Variants in PPP1R16B observed in about 807,000 individuals in gnomAD.
The protein encoded by PPP1R16B is protein phosphatase 1 regulatory subunit 16B, also known as protein phosphatase 1 regulatory inhibitor subunit 16B.
A neutral mutation model predicts 61.7 loss-of-function variants in PPP1R16B; 14 were observed. That is an observed-to-expected ratio of 0.23 (90% confidence interval 0.15 to 0.35). The LOEUF (loss-of-function observed/expected upper bound fraction) is 0.35. Among genes scored for constraint, PPP1R16B ranks in the 10% least tolerant of loss-of-function variants. PPP1R16B has a pLI of 1.00. For missense variants in PPP1R16B, 547 were observed against 752.5 expected (o/e 0.73, Z 3.19); for synonymous variants, 266 against 305.3 (o/e 0.87, Z 1.34).
intron 3 of PPP1R16B, among the ~76,000 whole-genome samples, 164 bp downstream of exon 3, chr20:38,889,829 T>C (rs1462877046): frequency 1.3e-5 from 2 of 152,228 alleles, no homozygotes; most frequent in Non-Finnish European, 2.9e-5. Flanking sequence ...ACTTTGGAGA[T>C]ACGCGTGTCT....
intron 2 of PPP1R16B, among the ~76,000 whole-genome samples, chr20:38,859,059 G>A (rs2085028690): frequency 6.6e-6 from 1 of 152,138 alleles, no homozygotes; most frequent in African/African-American, 2.4e-5. Flanking sequence ...AGTTTCTTGA[G>A]ACCTTGGAAC....
intron 10 of PPP1R16B, among the ~76,000 whole-genome samples, chr20:38,911,518 T>A (rs934933366): frequency 6.6e-6 from 1 of 151,712 alleles, no homozygotes; most frequent in Non-Finnish European, 1.5e-5. Flanking sequence ...ATATTAAAAT[T>A]TACATATCCA....
At chr20:38,897,319 A>G (rs1395232508) in intron 4 of PPP1R16B, among the ~76,000 whole-genome samples, 3 of 152,176 alleles carry the variant, frequency 2.0e-5, no homozygotes, top group Non-Finnish European at 2.9e-5. Flanking sequence ...GGAGTGAGAC[A>G]CCATCTTAAA....
At chr20:38,865,397 C>T (rs978790330) in intron 2 of PPP1R16B, among the ~76,000 whole-genome samples, 2 of 151,982 alleles carry the variant, frequency 1.3e-5, no homozygotes, top group African/African-American at 4.8e-5. Flanking sequence ...TCACGCCATT[C>T]TCCTGCCTCA....
chr20:38,855,409 C>T (rs917499416), intron 2 of PPP1R16B, among the ~76,000 whole-genome samples: 5 of 151,388 alleles, frequency 3.3e-5, no homozygotes, highest in Non-Finnish European at 7.4e-5. Context: ...CCCCAAGTTA[C>T]TTGGCAGCTA....
intron 2 of PPP1R16B, among the ~76,000 whole-genome samples, chr20:38,842,815 T>C (rs2145724305): frequency 8.0e-6 from 1 of 124,898 alleles, no homozygotes; most frequent in Middle Eastern, 3.7e-3. Context: ...GGGAAGTTTC[T>C]TTTCTTCTAA....
At chr20:38,852,047 G>GT (rs1216370151) in intron 2 of PPP1R16B, among the ~76,000 whole-genome samples, 2 of 152,076 alleles carry the variant, frequency 1.3e-5, no homozygotes, top group Non-Finnish European at 2.9e-5. Context: ...GGGGACGGCG[G>GT]GGGGGGAAGG....
intron 1 of PPP1R16B, among the ~76,000 whole-genome samples, chr20:38,818,278 T>C (rs1458357290): frequency 1.3e-5 from 2 of 152,194 alleles, no homozygotes; most frequent in East Asian, 1.9e-4. Context: ...TTATGCATAG[T>C]ACCTGGCACA....
intron 2 of PPP1R16B, among the ~76,000 whole-genome samples, chr20:38,884,065 C>T (rs185136947): frequency 7.0e-4 from 107 of 152,272 alleles, no homozygotes; most frequent in Non-Finnish European, 1.2e-3. Context: ...TGTGGACACT[C>T]CTGGCCGAAG....
At chr20:38,887,769 A>G (rs752494652) in intron 2 of PPP1R16B, among the ~76,000 whole-genome samples, 10 of 152,354 alleles carry the variant, frequency 6.6e-5, no homozygotes, top group Admixed American at 5.2e-4. Flanking sequence ...CTTAACCCAT[A>G]CTGGCTATGC....
chr20:38,881,580 C>T (rs1195983473), intron 2 of PPP1R16B, among the ~76,000 whole-genome samples: 1 of 152,170 alleles, frequency 6.6e-6, no homozygotes, highest in East Asian at 1.9e-4. Flanking sequence ...CTGGGGTCTA[C>T]CTACAATGGA....
intron 1 of PPP1R16B, among the ~76,000 whole-genome samples, chr20:38,815,936 G>C (rs546857968): frequency 2.0e-5 from 3 of 152,282 alleles, no homozygotes; most frequent in Non-Finnish European, 2.9e-5. Flanking sequence ...CATTGTGCTA[G>C]AGAAATGCAT....
chr20:38,808,945 A>C (rs2084680697), intron 1 of PPP1R16B, among the ~76,000 whole-genome samples: 1 of 152,102 alleles, frequency 6.6e-6, no homozygotes, highest in African/African-American at 2.4e-5. Context: ...AGGCACGAGA[A>C]TTGCTTGAAC....
chr20:38,841,837 G>T (rs993619803), intron 2 of PPP1R16B, among the ~76,000 whole-genome samples: 1 of 152,172 alleles, frequency 6.6e-6, no homozygotes, highest in African/African-American at 2.4e-5. Flanking sequence ...TCACCAGTAG[G>T]TGAACGTTTG....
chr20:38,895,217 C>T (rs1162361736), intron 3 of PPP1R16B, among the ~76,000 whole-genome samples: 1 of 151,788 alleles, frequency 6.6e-6, no homozygotes, highest in Non-Finnish European at 1.5e-5. Flanking sequence ...TTGGAGAAAG[C>T]CTTTTGGGAT....
Position 38,907,098 on chromosome 20 carries a change from C to A in PPP1R16B, c.898+44C>A. 1 of 1,482,018 alleles carries A rather than the reference C, an allele frequency of 6.7e-7. No homozygotes were observed. Among genetic ancestry groups the A allele is most frequent in the African/African-American group, 1.4e-5 (1 of 72,172 alleles). The allele number at this position is 1,482,018 out of a possible 1,614,324, so 91.8% of individuals were successfully genotyped here. The stretch of plus-strand genomic sequence containing the variant: ...CTGGTGTGCACAAATAGGCAGTTAT[C>A]AATGTTTTGATGGGTAGAGGGAGAA... On this transcript the variant is annotated intron_variant, in intron 8 of 10. Transcript: ENST00000299824. The surrounding 1 kb of genome is among the most constrained non-coding windows in gnomAD (Gnocchi z 4.5).
chr20:38,899,797 C>CTT (rs144492616), intron 4 of PPP1R16B, among the ~76,000 whole-genome samples: 1 of 145,418 alleles, frequency 6.9e-6, no homozygotes, highest in African/African-American at 2.5e-5. Flanking sequence ...CTGTCTGAGT[C>CTT]TTTTTTTTTT....
chr20:38,820,714 C>T (rs1404355347), intron 1 of PPP1R16B, among the ~76,000 whole-genome samples: 1 of 151,676 alleles, frequency 6.6e-6, no homozygotes, highest in Admixed American at 6.6e-5. Context: ...AGAATTTTTG[C>T]CAACAGTTGG....
At position 38,907,666 on chromosome 20, in the gene PPP1R16B, G is replaced by A. The variant is rs1315109281; in HGVS notation, c.899-140G>A. The A allele has an allele frequency of 3.3e-6, 4 of 1,198,552 alleles. No individual in the cohort carries two copies. Among genetic ancestry groups the A allele is most frequent in the Non-Finnish European group, 4.7e-6 (4 of 851,334 alleles). The allele number at this position is 1,198,552 out of a possible 1,614,324, so 74.2% of individuals were successfully genotyped here. ...CACTCACTCAACTTTGGCTGGCATT[G>A]TTTTCTTGCCTCCCTGCATGCCCTG... On this transcript the variant is annotated intron_variant, in intron 8 of 10. Transcript: ENST00000299824. This position sits in a 1 kb window ranked among gnomAD's most constrained non-coding sequence, Gnocchi z 4.5.
Sources: gnomAD v4.1 joint callset for allele counts (sites outside exome capture counted in the v4.1 genomes callset) on GRCh38, gnomAD v4.1.1 for gene constraint, Gnocchi (gnomAD v3.1) non-coding constraint, MANE v1.5 for transcripts, NCBI Gene and HGNC (gene_info 2026-07-23, HGNC 2026-07-21) for gene names.